The following KCNC4 variants were observed in gnomAD, a reference collection of about 807,000 sequenced individuals.
KCNC4 encodes voltage-gated potassium channel KCNC4.
Under a neutral mutation model 42.8 loss-of-function variants are expected in KCNC4, and 23 were observed. The ratio of observed to expected loss-of-function variants is 0.54; its 90% CI spans 0.39 to 0.76. The LOEUF is 0.76. Ranked by LOEUF, KCNC4 falls within the 30% of genes least tolerant of loss-of-function variation. The pLI, the probability that KCNC4 is intolerant of heterozygous loss-of-function variation, is 0.00. For synonymous variants in KCNC4, 422 were observed against 393.5 expected, an observed-to-expected ratio of 1.07 and a Z score of -0.86; for missense variants, 751 against 898.2, an observed-to-expected ratio of 0.84 and a Z score of 2.10.
intron 1 of KCNC4, 55 bp downstream of exon 1, chr1:110,212,232 G>T: frequency 1.4e-6 from 2 of 1,382,708 alleles, no homozygotes; most frequent in Non-Finnish European, 1.9e-6. Context: ...GGTCCGTGGT[G>T]GGTGGTGGGT....
chr1:110,267,141 TG>T (rs1286634409), intron 1 of KCNC4, among the ~76,000 whole-genome samples: 2 of 152,118 alleles, frequency 1.3e-5, no homozygotes, highest in African/African-American at 4.8e-5. Flanking sequence ...GGGTGGGCTT[TG>T]CTGGGGAGAA....
In KCNC4 at chr1:110,232,987, G is replaced by GA. The variant is rs776488673; in HGVS notation, c.*16dup. ...CCCTCTCTTAAAGCGGCACCAACGTGAGAGAGACAGGCAGACAGACAGAAA... is the reference window on the plus strand; with the variant it reads ...CCCTCTCTTAAAGCGGCACCAACGTGAAGAGAGACAGGCAGACAGACAGAAA... On this transcript the variant is annotated 3_prime_UTR_variant, in exon 4 of 4. Transcript: ENST00000438661. The GA allele has an allele frequency of 1.2e-6, 2 of 1,608,526 alleles. No individual in the cohort carries two copies. Among genetic ancestry groups the GA allele is most frequent in the Admixed American group, 3.4e-5 (2 of 59,420 alleles).
chr1:110,215,540 A>G (rs1337632378), intron 1 of KCNC4, among the ~76,000 whole-genome samples: 1 of 152,206 alleles, frequency 6.6e-6, no homozygotes, highest in East Asian at 1.9e-4. Flanking sequence ...CTCAGCTATC[A>G]GCCTTATTAA....
chr1:110,219,769 AGGTGAAAAGGCCT>A (rs764806066), intron 1 of KCNC4: 4 of 152,252 alleles, frequency 2.6e-5, no homozygotes, highest in Non-Finnish European at 5.9e-5. Flanking sequence ...CAGTGTGGAC[AGGTGAAAAGGCCT>A]GGTGAAAAGC....
intron 1 of KCNC4, among the ~76,000 whole-genome samples, chr1:110,263,476 T>C (rs1184092167): frequency 2.6e-5 from 4 of 152,126 alleles, no homozygotes; most frequent in Non-Finnish European, 2.9e-5. Flanking sequence ...ATGACCGATA[T>C]TCACTTTGGC....
rs183991397 is a variant in KCNC4, at chr1:110,280,304, A to G, written n.31-2230A>G. ...AAAGCTGGTCTTTGTAAAGCCCTTC[A>G]AACAGAGAGATTCTGCGTGCTTGTG... is the stretch of plus-strand genomic sequence containing the variant. On this transcript the variant is annotated intron_variant and non_coding_transcript_variant, in intron 1 of 2. Coordinates refer to the KCNC4 transcript ENST00000412512. Among the ~76,000 whole-genome samples the G allele has an allele frequency of 5.9e-3, 905 of 152,200 alleles. 10 individuals carry two copies. Among genetic ancestry groups the G allele is most frequent in the Non-Finnish European group, 6.2e-3 (420 of 68,002 alleles).
At chr1:110,245,315 C>G (rs2101060267) in exon 4 of KCNC4, 1 of 152,350 alleles carries the variant, frequency 6.6e-6, no homozygotes, top group Middle Eastern at 3.4e-3. Context: ...TTTTGTGGAG[C>G]TCAGTTTTAA....
chr1:110,229,090 C>A (rs1282158336), intron 3 of KCNC4: 1 of 152,218 alleles, frequency 6.6e-6, no homozygotes, highest in Non-Finnish European at 1.5e-5. Flanking sequence ...ATGTTAATAT[C>A]TTTAATCACT....
chr1:110,232,267 T>G, intron 3 of KCNC4: 2 of 1,613,984 alleles, frequency 1.2e-6, no homozygotes, highest in Non-Finnish European at 1.7e-6. Context: ...CACCTGAGGC[T>G]GCATGCCCTC....
intron 3 of KCNC4, among the ~76,000 whole-genome samples, chr1:110,229,734 A>G (rs1658599542): frequency 6.6e-6 from 1 of 152,034 alleles, no homozygotes; most frequent in African/African-American, 2.4e-5. Context: ...AGCTGAGGGG[A>G]AGTGTGGGGA....
intron 1 of KCNC4, among the ~76,000 whole-genome samples, chr1:110,281,885 T>C (rs1659834258): frequency 6.6e-6 from 1 of 152,134 alleles, no homozygotes. Context: ...GCTGCTGCTG[T>C]CCCTAGACCT....
At chr1:110,227,799 C>T (rs994481435) in intron 3 of KCNC4, among the ~76,000 whole-genome samples, 3 of 152,102 alleles carry the variant, frequency 2.0e-5, no homozygotes, top group Non-Finnish European at 2.9e-5. Flanking sequence ...TGGAAGAGGC[C>T]GTGAGGGTAC....
chr1:110,265,377 TA>T (rs1295503196), intron 1 of KCNC4, among the ~76,000 whole-genome samples: 6 of 104,346 alleles, frequency 5.8e-5, no homozygotes, highest in African/African-American at 3.5e-4. Flanking sequence ...TAAAATAAAA[TA>T]AAATAAAATA....
intron 1 of KCNC4, among the ~76,000 whole-genome samples, chr1:110,270,759 A>G (rs959567227): frequency 2.0e-5 from 3 of 152,166 alleles, no homozygotes; most frequent in Non-Finnish European, 4.4e-5. Flanking sequence ...ACCCAACCAC[A>G]CTGCATCAGA....
At chr1:110,225,359 G>A (rs960282777) in intron 2 of KCNC4, 1 of 152,290 alleles carries the variant, frequency 6.6e-6, no homozygotes, top group Non-Finnish European at 1.5e-5. Context: ...AAGGGGTGGA[G>A]ACTAAGCCCA....
intron 1 of KCNC4, among the ~76,000 whole-genome samples, chr1:110,261,583 G>A (rs1299476018): frequency 7.2e-6 from 1 of 139,378 alleles, no homozygotes; most frequent in Non-Finnish European, 1.6e-5. Context: ...TAATAAAAAC[G>A]CTTTATAGAA....
rs753747337 is a variant in KCNC4, at chr1:110,232,188, G to A, written c.1820-723G>A. Reference sequence around the variant, plus strand: ...TCTGAGGGGTTGGGTTTCTCAATAAGGTACTATTTCCTGACCTTCTCTCCT... The same window carrying A: ...TCTGAGGGGTTGGGTTTCTCAATAAAGTACTATTTCCTGACCTTCTCTCCT... On this transcript the variant is annotated intron_variant, in intron 3 of 3. Transcript: ENST00000438661. 3.7e-6 allele frequency: 6 copies of A among 1,608,800 alleles called. No homozygotes were observed. The South Asian group carries it at 6.7e-5, about 18-fold the overall frequency.
At chr1:110,269,274 TACAGAACAATTCCATC>T (rs1229772670) in intron 1 of KCNC4, among the ~76,000 whole-genome samples, 3 of 152,184 alleles carry the variant, frequency 2.0e-5, no homozygotes, top group African/African-American at 7.2e-5. Context: ...ACAATCAAGA[TACAGAACAATTCCATC>T]ACCCCAAAAC....
chr1:110,260,815 A>G (rs12039014), intron 1 of KCNC4, among the ~76,000 whole-genome samples: 11,036 of 152,258 alleles, frequency 0.072, 551 homozygotes, highest in African/African-American at 0.14. Context: ...TTGTAGTCCC[A>G]GCTACTCGGG....
Sources: allele counts gnomAD v4.1 joint callset (sites outside exome capture counted in the v4.1 genomes callset), GRCh38; gene constraint gnomAD v4.1.1; transcripts MANE v1.5; gene names NCBI Gene and HGNC (gene_info 2026-07-23, HGNC 2026-07-21).